The following CPO variants were observed in gnomAD, a reference collection of about 807,000 sequenced individuals.
The protein encoded by CPO is metallocarboxypeptidase C.
A neutral mutation model predicts 41.2 loss-of-function variants in CPO; 43 were observed. The ratio of observed to expected loss-of-function variants is 1.04; its 90% CI spans 0.82 to 1.35. CPO has a LOEUF of 1.35. Among genes scored for constraint, CPO ranks in the 40% most tolerant of loss-of-function variants. The pLI is 0.00. For missense variants in CPO, 408 were observed against 451.7 expected (o/e 0.90, Z 0.88); for synonymous variants, 178 against 162.7 (o/e 1.09, Z -0.72).
chr2:206,962,420 G>T lies in CPO; in HGVS notation c.583G>T (p.Ala195Ser), dbSNP rs773069132. The T allele has an allele frequency of 6.2e-7, 1 of 1,613,848 alleles. No individual in the cohort carries two copies. Among genetic ancestry groups the T allele is most frequent in the Non-Finnish European group, 8.5e-7 (1 of 1,179,786 alleles). Reference protein sequence around the residue: ...NFNASWCSIGASRNCQDQTFC... With the variant: ...NFNASWCSIGSSRNCQDQTFC... ...TTTCTTCCATATTCTAGGTATTGGT[G>T]CCTCTAGAAACTGCCAAGATCAAAC... is the stretch of plus-strand genomic sequence containing the variant. The change falls in exon 7 of 9, where the codon GCC (alanine) becomes TCC (serine). Residue 195 changes from alanine to serine, a missense_variant. By Grantham distance (99) the Ala-to-Ser change is moderately conservative (BLOSUM62 1). Transcript: ENST00000272852.
At chr2:206,963,062 T>C (rs1209870190) in intron 7 of CPO, among the ~76,000 whole-genome samples, 2 of 152,200 alleles carry the variant, frequency 1.3e-5, no homozygotes, top group African/African-American at 4.8e-5. Flanking sequence ...CTAAACACAA[T>C]GCTCTATTTT....
chr2:206,958,252 T>A (rs747768767), intron 3 of CPO, 49 bp from the exon 4 acceptor site: 52 of 1,007,082 alleles, frequency 5.2e-5, no homozygotes, highest in Non-Finnish European at 7.0e-5. Flanking sequence ...CACAGTGGCT[T>A]ACAATAATCA....
intron 2 of CPO, among the ~76,000 whole-genome samples, chr2:206,952,350 T>G (rs111292036): frequency 6.6e-5 from 10 of 152,180 alleles, no homozygotes; most frequent in African/African-American, 2.4e-4. Flanking sequence ...CCTGACCTCG[T>G]GATCCACCCA....
intron 2 of CPO, among the ~76,000 whole-genome samples, chr2:206,952,317 C>A (rs1693280354): frequency 6.6e-6 from 1 of 151,870 alleles, no homozygotes; most frequent in Non-Finnish European, 1.5e-5. Flanking sequence ...GTTTCACCAT[C>A]TTGGCCAGGT....
chr2:206,968,916 T>G lies in CPO; in HGVS notation c.863-258T>G, dbSNP rs543728421. On this transcript the variant is annotated intron_variant, in intron 8 of 8. Transcript: ENST00000272852. ...TTGCCAAGTCAGTCAGTGACTCAGC[T>G]AAGAAACTTTAGCCAAACCTTTCTA... is the stretch of plus-strand genomic sequence containing the variant. 3.8e-4 allele frequency among the ~76,000 whole-genome samples: 58 copies of G among 152,358 alleles called. 1 individual carries two copies. The highest frequency in any genetic ancestry group is 1.3e-3 in the African/African-American group (55 of 41,598).
chr2:206,962,770 C>T (rs77214378), intron 7 of CPO, among the ~76,000 whole-genome samples, 156 bp downstream of exon 7: 4 of 152,156 alleles, frequency 2.6e-5, no homozygotes, highest in Non-Finnish European at 5.9e-5. Flanking sequence ...TTGCCAGACG[C>T]CTGCTGGGAA....
chr2:206,958,374 C>T lies in CPO; in HGVS notation c.341C>T (p.Ala114Val). ...GGAATTCACGCCAGAGAATGGATTG[C>T]TCCTGCTTTTTGCCAATGGTTCGTC... ...DCGIHAREWI[A>V]PAFCQWFVKE... The change falls in exon 4 of 9, where the codon GCT (alanine) becomes GTT (valine). Residue 114 changes from alanine (A) to valine (V), a missense_variant. Coordinates refer to ENST00000272852, the MANE Select transcript of CPO (RefSeq NM_173077.3). 1 of 1,600,882 alleles carries T rather than the reference C, an allele frequency of 6.2e-7. No individual in the cohort carries two copies. The highest frequency in any genetic ancestry group is 8.5e-7 in the Non-Finnish European group (1 of 1,173,004).
rs372729656 is a variant in CPO, at chr2:206,962,551, T to C, written c.714T>C (p.Tyr238=). 6.8e-6 allele frequency: 11 copies of C among 1,614,074 alleles called. No homozygotes were observed. The highest frequency in any genetic ancestry group is 1.3e-5 in the African/African-American group (1 of 74,948). ...TGTGCTTCCTGACCATGCACTCTTATGGGCAGTTAATTCTCACACCTTACG... is the reference window on the plus strand; with the variant it reads ...TGTGCTTCCTGACCATGCACTCTTACGGGCAGTTAATTCTCACACCTTACG... ...DILCFLTMHS[Y]GQLILTPYGY... is the part of the protein sequence containing the mutation. The change falls in exon 7 of 9, where the codon TAT becomes TAC. Residue 238 remains tyrosine (Y), a synonymous_variant. Transcript: ENST00000272852.
intron 7 of CPO, among the ~76,000 whole-genome samples, chr2:206,963,362 A>T (rs1022237410): frequency 6.6e-6 from 1 of 152,218 alleles, no homozygotes; most frequent in Non-Finnish European, 1.5e-5. Context: ...GTGGTAAAAT[A>T]AACATAAAAT....
intron 8 of CPO, among the ~76,000 whole-genome samples, chr2:206,968,662 G>T (rs1574358755): frequency 6.6e-6 from 1 of 152,190 alleles, no homozygotes; most frequent in East Asian, 1.9e-4. Flanking sequence ...ACTGACCTTT[G>T]GTCAGTCAAT....
chr2:206,956,658 G>A (rs1018444736), intron 3 of CPO, among the ~76,000 whole-genome samples: 1 of 152,142 alleles, frequency 6.6e-6, no homozygotes, highest in Non-Finnish European at 1.5e-5. Context: ...AAGTTCCTAG[G>A]TGATGCTGAT....
intron 8 of CPO, among the ~76,000 whole-genome samples, 181 bp from the exon 9 acceptor site, chr2:206,968,993 C>T (rs867137378): frequency 2.0e-5 from 3 of 152,190 alleles, no homozygotes; most frequent in Non-Finnish European, 4.4e-5. Flanking sequence ...CTGAATAAGA[C>T]GTGGTTCCCA....
At chr2:206,960,304 G>A (rs1693455539) in intron 5 of CPO, among the ~76,000 whole-genome samples, 2 of 152,100 alleles carry the variant, frequency 1.3e-5, no homozygotes, top group Non-Finnish European at 2.9e-5. Flanking sequence ...CTCCCCTAAG[G>A]ACTTCAGGGG....
chr2:206,968,131 T>G, intron 7 of CPO, 132 bp from the exon 8 acceptor site: 1 of 702,988 alleles, frequency 1.4e-6, no homozygotes, highest in African/African-American at 1.8e-5. Context: ...GCTACCTAGA[T>G]GTAGATGTCC....
In CPO at chr2:206,969,249, A is replaced by G. The variant is rs1693639908; in HGVS notation, c.938A>G (p.Asp313Gly). 5 of 1,613,992 alleles carry G rather than the reference A, an allele frequency of 3.1e-6. No individual in the cohort carries two copies. Among genetic ancestry groups the G allele is most frequent in the Non-Finnish European group, 4.2e-6 (5 of 1,180,000 alleles). The change falls in exon 9 of 9, where the codon GAC becomes GGC. Residue 313 changes from aspartate to glycine, a missense_variant. Transcript: ENST00000272852. ...TTCTCATATACGTTTGAGCTGAGGGACAGTGGAACATATGGGTTTGTTCTG... is the reference window on the plus strand; with the variant it reads ...TTCTCATATACGTTTGAGCTGAGGGGCAGTGGAACATATGGGTTTGTTCTG... ...IPFSYTFELR[D>G]SGTYGFVLPE...
chr2:206,967,726 T>C (rs1174153575), intron 7 of CPO, among the ~76,000 whole-genome samples: 4 of 152,154 alleles, frequency 2.6e-5, no homozygotes, highest in Non-Finnish European at 5.9e-5. Flanking sequence ...AGAGTCATAT[T>C]GGAGAGGATC....
intron 7 of CPO, among the ~76,000 whole-genome samples, chr2:206,963,927 T>C (rs142010297): frequency 1.4e-4 from 22 of 152,368 alleles, no homozygotes; most frequent in African/African-American, 4.8e-4. Flanking sequence ...CTGTCTTTAA[T>C]AGAGGCTGCT....
At chr2:206,950,265 CA>C (rs1305615584) in intron 2 of CPO, among the ~76,000 whole-genome samples, 1 of 152,124 alleles carries the variant, frequency 6.6e-6, no homozygotes, top group East Asian at 1.9e-4. Context: ...ACAACCCCAT[CA>C]AAAAGTGGGC....
chr2:206,945,630 AT>A (rs1439332361), intron 1 of CPO, among the ~76,000 whole-genome samples: 1 of 152,220 alleles, frequency 6.6e-6, no homozygotes, highest in Non-Finnish European at 1.5e-5. Context: ...TGAGAATAAA[AT>A]TATATACTCT....
Sources: allele counts gnomAD v4.1 joint callset (sites outside exome capture counted in the v4.1 genomes callset), GRCh38; gene constraint gnomAD v4.1.1; transcripts MANE v1.5; gene names NCBI Gene and HGNC (gene_info 2026-07-23, HGNC 2026-07-21).